Variants in SMARCAL1 observed in about 807,000 individuals in gnomAD.
SMARCAL1 encodes the protein SNF2 related chromatin remodeling annealing helicase 1.
In SMARCAL1, 58 loss-of-function variants were observed where a neutral mutation model predicts 94.5. The observed-to-expected ratio is 0.61, with a 90% confidence interval of 0.50 to 0.76. The LOEUF is 0.76. Among genes scored for constraint, SMARCAL1 ranks in the 30% least tolerant of loss-of-function variants. The pLI, the probability that SMARCAL1 is intolerant of heterozygous loss-of-function variation, is 0.00. For missense variants in SMARCAL1, 1,051 were observed against 1,177.9 expected, an observed-to-expected ratio of 0.89 and a Z score of 1.58; for synonymous variants, 422 against 455.1, an observed-to-expected ratio of 0.93 and a Z score of 0.93.
intron 13 of SMARCAL1, among the ~76,000 whole-genome samples, chr2:216,466,968 T>C (rs560659931): frequency 2.0e-5 from 3 of 152,318 alleles, no homozygotes; most frequent in Middle Eastern, 3.4e-3. Flanking sequence ...AGGCAGAGTC[T>C]GTTCCCTGTC....
chr2:216,477,139 C>A lies in SMARCAL1; in HGVS notation c.2458C>A (p.Arg820Ser). The change falls in exon 16 of 18, where the codon CGC becomes AGC. Residue 820 changes from arginine (R) to serine (S), a missense_variant. Physicochemically the swap from Arg to Ser is moderately radical, Grantham distance 110. Transcript: ENST00000357276. ...VLIQAEDRVH[R>S]IGQTSSVGIH... ...GATCCAGGCTGAGGACCGCGTGCAC[C>A]GCATTGGACAGACCAGCTCCGTGGG... The A allele has an allele frequency of 6.3e-7, 1 of 1,591,644 alleles. No homozygotes were observed. Among genetic ancestry groups the A allele is most frequent in the Non-Finnish European group, 8.6e-7 (1 of 1,169,116 alleles).
Position 216,415,327 on chromosome 2 carries a change from A to C in SMARCAL1, c.623A>C (p.His208Pro). 6.2e-7 allele frequency: 1 copy of C among 1,614,218 alleles called. No individual in the cohort carries two copies. The highest frequency in any genetic ancestry group is 8.5e-7 in the Non-Finnish European group (1 of 1,180,042). ...TCGGGGCAGAACATTTCTTACATCCATTCTAGCTCAGAGAGTGTAACGCCC... is the reference window on the plus strand; with the variant it reads ...TCGGGGCAGAACATTTCTTACATCCCTTCTAGCTCAGAGAGTGTAACGCCC... ...SPSGQNISYI[H>P]SSSESVTPRT... The change falls in exon 3 of 18, where the codon CAT becomes CCT. Residue 208 changes from histidine (H) to proline (P), a missense_variant. His to Pro is a moderately conservative substitution (Grantham distance 77). This residue lies in a region of SMARCAL1 where 398 missense variants were observed against 395.2 expected (regional missense o/e 1.01). Coordinates refer to ENST00000357276, the MANE Select transcript of SMARCAL1 (RefSeq NM_014140.4).
intron 14 of SMARCAL1, among the ~76,000 whole-genome samples, 200 bp downstream of exon 14, chr2:216,468,246 A>G (rs1694877289): frequency 6.6e-6 from 1 of 152,210 alleles, no homozygotes; most frequent in East Asian, 1.9e-4. Flanking sequence ...AACTTCCTCC[A>G]TGCTCCAAAT....
intron 12 of SMARCAL1, among the ~76,000 whole-genome samples, chr2:216,459,925 C>T (rs1004091620): frequency 3.3e-5 from 5 of 152,140 alleles, no homozygotes; most frequent in African/African-American, 9.7e-5. Context: ...AAAAGTTTTG[C>T]AATCTACTCA....
rs772913825 is a variant in SMARCAL1, at chr2:216,420,500, C to T, written c.1064C>T (p.Ala355Val). The T allele has an allele frequency of 5.6e-6, 9 of 1,614,064 alleles. No homozygotes were observed. The highest frequency in any genetic ancestry group is 1.6e-4 in the Middle Eastern group (1 of 6,062). The change falls in exon 5 of 18, where the codon GCG becomes GTG. Residue 355 changes from alanine to valine, a missense_variant. Physicochemically the swap from Ala to Val is moderately conservative, Grantham distance 64. Around this residue, in one of 3 missense-constraint regions of SMARCAL1, gnomAD observed 642 missense variants for 754.7 expected, o/e 0.85. Transcript: ENST00000357276. ...ADISYSQDLI[A>V]LFKQMDSRRY... The stretch of plus-strand genomic sequence containing the variant: ...ATCAGTTATTCACAGGACCTTATTG[C>T]GCTTTTTAAACAGATGGATTCCAGA...
At chr2:216,461,393 A>G (rs892715438) in intron 12 of SMARCAL1, among the ~76,000 whole-genome samples, 2 of 151,824 alleles carry the variant, frequency 1.3e-5, no homozygotes, top group Non-Finnish European at 2.9e-5. Context: ...CTGCATATAA[A>G]TATATATAAA....
chr2:216,464,745 CT>C, intron 13 of SMARCAL1, 78 bp downstream of exon 13: 2 of 1,026,118 alleles, frequency 1.9e-6, no homozygotes, highest in Non-Finnish European at 3.1e-6. Flanking sequence ...TTTATTCTGC[CT>C]GAATGATTTT....
intron 15 of SMARCAL1, among the ~76,000 whole-genome samples, chr2:216,476,256 G>A (rs1695076734): frequency 6.6e-6 from 1 of 151,810 alleles, no homozygotes; most frequent in Non-Finnish European, 1.5e-5. Flanking sequence ...TTAATAATGG[G>A]TAGACCTTGA....
intron 14 of SMARCAL1, among the ~76,000 whole-genome samples, chr2:216,471,495 A>C (rs1283990682): frequency 6.6e-6 from 1 of 152,074 alleles, no homozygotes; most frequent in Non-Finnish European, 1.5e-5. Flanking sequence ...CTGGGAATAC[A>C]GGTGCCTGCT....
At chr2:216,423,341 T>C (rs1438768232) in intron 5 of SMARCAL1, among the ~76,000 whole-genome samples, 1 of 152,240 alleles carries the variant, frequency 6.6e-6, no homozygotes, top group Non-Finnish European at 1.5e-5. Context: ...ACTCAGGGCA[T>C]TTCTGACCTG....
intron 7 of SMARCAL1, 102 bp from the exon 8 acceptor site, chr2:216,432,616 C>A: frequency 7.0e-7 from 1 of 1,420,614 alleles, no homozygotes; most frequent in Non-Finnish European, 9.9e-7. Flanking sequence ...CCCGGGCTGG[C>A]CAGTGAAGTG....
intron 10 of SMARCAL1, 161 bp from the exon 11 acceptor site, chr2:216,446,857 G>A (rs1168371954): frequency 8.1e-6 from 6 of 739,764 alleles, no homozygotes; most frequent in Non-Finnish European, 1.4e-5. Context: ...AAGAAAAGGA[G>A]ATGCCATCTA....
chr2:216,427,871 A>T (rs1693870997), intron 6 of SMARCAL1, among the ~76,000 whole-genome samples: 1 of 152,226 alleles, frequency 6.6e-6, no homozygotes, highest in East Asian at 1.9e-4. Context: ...CACATGTTTT[A>T]TGTACGTGTA....
intron 5 of SMARCAL1, among the ~76,000 whole-genome samples, chr2:216,423,302 A>G (rs1693764376): frequency 6.6e-6 from 1 of 152,200 alleles, no homozygotes; most frequent in South Asian, 2.1e-4. Flanking sequence ...AATGCTGCAT[A>G]GGTGTGAGCT....
Position 216,447,036 on chromosome 2 carries a change from C to A in SMARCAL1, c.1729C>A (p.Leu577Met). 7 of 1,614,002 alleles carry A rather than the reference C, an allele frequency of 4.3e-6. No homozygotes were observed. The highest frequency in any genetic ancestry group is 5.9e-6 in the Non-Finnish European group (7 of 1,180,036). Residue 577 changes from leucine to methionine, a missense_variant, in exon 11 of 18, where the codon CTG becomes ATG. Physicochemically the swap from Leu to Met is conservative, Grantham distance 15. Around this residue, in one of 3 missense-constraint regions of SMARCAL1, gnomAD observed 642 missense variants for 754.7 expected, o/e 0.85. Coordinates refer to ENST00000357276, the MANE Select transcript of SMARCAL1 (RefSeq NM_014140.4). ...CTTTTAGGTTGCCAAGAGGGTGATCCTGTTGTCGGGCACACCAGCCATGTC... is the reference window on the plus strand; with the variant it reads ...CTTTTAGGTTGCCAAGAGGGTGATCATGTTGTCGGGCACACCAGCCATGTC... ...PVLKVAKRVI[L>M]LSGTPAMSRP...
chr2:216,463,800 TG>T (rs1694764166), intron 12 of SMARCAL1, among the ~76,000 whole-genome samples: 1 of 152,192 alleles, frequency 6.6e-6, no homozygotes, highest in Non-Finnish European at 1.5e-5. Flanking sequence ...CCCAGCACTT[TG>T]GGAGGCTGAG....
Position 216,475,476 on chromosome 2 carries a change from A to G in SMARCAL1, c.2427+25A>G. 6.2e-7 allele frequency: 1 copy of G among 1,611,832 alleles called. No homozygotes were observed. The highest frequency in any genetic ancestry group is 1.7e-5 in the Admixed American group (1 of 59,992). On this transcript the variant is annotated intron_variant, in intron 15 of 17. Transcript: ENST00000357276. The surrounding 1 kb of genome is among the most constrained non-coding windows in gnomAD (Gnocchi z 4.4). ...GGTAAGAGACGCAGAAGACTCAGAT[A>G]CTCCCCAGGCATGCTCATGGCTGTG...
At chr2:216,424,186 C>T (rs1174649718) in intron 6 of SMARCAL1, among the ~76,000 whole-genome samples, 1 of 152,168 alleles carries the variant, frequency 6.6e-6, no homozygotes, top group African/African-American at 2.4e-5. Context: ...TTTTAACAAG[C>T]ACTTTACAGA....
At chr2:216,416,381 A>G (rs1416171442) in intron 4 of SMARCAL1, 74 bp downstream of exon 4, 3 of 1,277,942 alleles carry the variant, frequency 2.3e-6, no homozygotes, top group Non-Finnish European at 3.4e-6. Context: ...CATGTAGTCC[A>G]GCTTATGGAG....
Sources: gnomAD v4.1 joint callset for allele counts (sites outside exome capture counted in the v4.1 genomes callset) on GRCh38, gnomAD v4.1.1 for gene constraint, gnomAD v4.1.1 regional missense constraint, Gnocchi (gnomAD v3.1) non-coding constraint, MANE v1.5 for transcripts, NCBI Gene and HGNC (gene_info 2026-07-23, HGNC 2026-07-21) for gene names.